Variants in DMXL1 observed in about 807,000 individuals in gnomAD.
The protein encoded by DMXL1 is dmX-like protein 1.
Under a neutral mutation model 319.2 loss-of-function variants are expected in DMXL1, and 99 were observed. That is an observed-to-expected ratio of 0.31 (90% CI 0.26 to 0.37). The LOEUF is 0.37. DMXL1 is among the 10% of genes least tolerant of loss of function. The pLI is 1.00. For synonymous variants in DMXL1, 1,385 were observed against 1,235.2 expected, an observed-to-expected ratio of 1.12 and a Z score of -2.54; for missense variants, 3,745 against 3,595.6, an observed-to-expected ratio of 1.04 and a Z score of -1.06.
chr5:119,195,717 T>C (rs1324995129), intron 30 of DMXL1, among the ~76,000 whole-genome samples: 2 of 152,084 alleles, frequency 1.3e-5, no homozygotes, highest in East Asian at 1.9e-4. Flanking sequence ...ATGGCCAAAA[T>C]GGTAAATTTT....
chr5:119,221,775 C>A (rs143766915), intron 37 of DMXL1, among the ~76,000 whole-genome samples: 1 of 129,728 alleles, frequency 7.7e-6, no homozygotes, highest in Admixed American at 8.6e-5. Flanking sequence ...AATGCCAGGA[C>A]AAATATTCTT....
At chr5:119,074,552 G>A (rs1454025789) in intron 1 of DMXL1, among the ~76,000 whole-genome samples, 1 of 152,170 alleles carries the variant, frequency 6.6e-6, no homozygotes, top group Non-Finnish European at 1.5e-5. Flanking sequence ...GAAACTGAAT[G>A]CCACTTCTCC....
intron 25 of DMXL1, among the ~76,000 whole-genome samples, chr5:119,173,063 G>T (rs1475801178): frequency 1.3e-5 from 2 of 152,168 alleles, no homozygotes; most frequent in Non-Finnish European, 2.9e-5. Context: ...CCTGAGGCCA[G>T]TGTGGTGGTT....
At chr5:119,203,905 C>G (rs1244292014) in intron 33 of DMXL1, among the ~76,000 whole-genome samples, 2 of 152,156 alleles carry the variant, frequency 1.3e-5, no homozygotes, top group African/African-American at 2.4e-5. Context: ...ACTGCAAGCT[C>G]CGCACCTCCC....
chr5:119,181,528 A>G (rs1009628653), intron 28 of DMXL1, among the ~76,000 whole-genome samples: 2 of 152,260 alleles, frequency 1.3e-5, no homozygotes, highest in Non-Finnish European at 2.9e-5. Flanking sequence ...CTAATTTGAA[A>G]AGGAGCAGGA....
At chr5:119,181,434 C>T (rs1217359262) in intron 28 of DMXL1, among the ~76,000 whole-genome samples, 2 of 151,724 alleles carry the variant, frequency 1.3e-5, no homozygotes, top group African/African-American at 4.8e-5. Flanking sequence ...ATGAATGGTA[C>T]GATTTGTCCA....
At chr5:119,202,618 G>A (rs1395985701) in intron 32 of DMXL1, among the ~76,000 whole-genome samples, 9 of 151,832 alleles carry the variant, frequency 5.9e-5, no homozygotes, top group African/African-American at 1.5e-4. Context: ...TTGGAAGGCC[G>A]AAGTGGGTGG....
intron 9 of DMXL1, among the ~76,000 whole-genome samples, chr5:119,124,563 CTTTT>C (rs34589863): frequency 5.9e-4 from 61 of 102,952 alleles, no homozygotes; most frequent in African/African-American, 2.0e-3. Flanking sequence ...ATGGTGATGA[CTTTT>C]TTTTTTTTTT....
chr5:119,216,784 T>A, intron 34 of DMXL1, 117 bp from the exon 35 acceptor site: 2 of 654,060 alleles, frequency 3.1e-6, no homozygotes, highest in South Asian at 3.8e-5. Context: ...ACCTTTAGAA[T>A]TGAAATATCT....
At chr5:119,203,148 C>G (rs1043812559) in intron 32 of DMXL1, among the ~76,000 whole-genome samples, 171 bp from the exon 33 acceptor site, 2 of 151,878 alleles carry the variant, frequency 1.3e-5, no homozygotes, top group Non-Finnish European at 2.9e-5. Context: ...GAATTATGTA[C>G]TAATCCTTTA....
Position 119,197,947 on chromosome 5 carries a change from C to T in DMXL1, c.7736C>T (p.Thr2579Ile). The T allele has an allele frequency of 6.2e-7, 1 of 1,614,060 alleles. No homozygotes were observed. Among genetic ancestry groups the T allele is most frequent in the Non-Finnish European group, 8.5e-7 (1 of 1,179,960 alleles). ...RHKALLEPTN[T>I]PFKSKHHLAL... ...AAAGCTTTACTGGAACCTACAAACA[C>T]TCCTTTCAAGTAGGTTTTCTTATGA... Residue 2579 changes from threonine to isoleucine, a missense_variant, in exon 32 of 44, where the codon ACT becomes ATT. By Grantham distance (89) the Thr-to-Ile change is moderately conservative (BLOSUM62 -1). Coordinates refer to ENST00000539542, the MANE Select transcript of DMXL1 (RefSeq NM_001290321.3).
intron 8 of DMXL1, 117 bp from the exon 9 acceptor site, chr5:119,120,854 A>C (rs979160039): frequency 1.2e-6 from 1 of 812,214 alleles, no homozygotes; most frequent in Non-Finnish European, 1.8e-6. Context: ...GTTTTTACAT[A>C]TAAAACATGT....
chr5:119,242,496 AT>A (rs1428599454), intron 42 of DMXL1, among the ~76,000 whole-genome samples: 10 of 152,248 alleles, frequency 6.6e-5, no homozygotes, highest in African/African-American at 2.2e-4. Context: ...GATACTCCAC[AT>A]TCACAGATTA....
In DMXL1 at chr5:119,151,823, A is replaced by T. The variant is rs879062525; in HGVS notation, c.4595-106A>T. On this transcript the variant is annotated intron_variant, in intron 18 of 43. Coordinates refer to ENST00000539542, the MANE Select transcript of DMXL1 (RefSeq NM_001290321.3). ...AAATGTTAGAAAATATTTTACACTG[A>T]TAACTTTTTTCTTGGTCAGGTTAAG... The T allele has an allele frequency of 2.7e-4, 158 of 577,630 alleles. 3 individuals carry two copies. The South Asian group carries it at 4.1e-3, about 15-fold the overall frequency. 35.8% of individuals were successfully genotyped at this position (577,630 alleles called of 1,614,324 possible). A position where few individuals can be genotyped will look rare whatever the true frequency, so the allele number is the denominator to read the frequency against.
At chr5:119,122,093 C>A (rs1235392434) in intron 9 of DMXL1, among the ~76,000 whole-genome samples, 2 of 139,098 alleles carry the variant, frequency 1.4e-5, no homozygotes, top group Non-Finnish European at 3.1e-5. Context: ...GGGGGCTGAC[C>A]CCCCCACCTC....
intron 38 of DMXL1, among the ~76,000 whole-genome samples, chr5:119,232,734 G>C (rs1435335894): frequency 2.0e-5 from 3 of 151,610 alleles, no homozygotes; most frequent in South Asian, 4.1e-4. Flanking sequence ...CAGCCTCTTA[G>C]AGGCTGAAGT....
chr5:119,222,671 C>G (rs1784843351), intron 37 of DMXL1, among the ~76,000 whole-genome samples: 1 of 152,144 alleles, frequency 6.6e-6, no homozygotes, highest in Non-Finnish European at 1.5e-5. Flanking sequence ...CAGGTTGTCA[C>G]TCGCTTTCTA....
chr5:119,172,035 A>C, intron 25 of DMXL1, 66 bp downstream of exon 25: 1 of 1,406,044 alleles, frequency 7.1e-7, no homozygotes, highest in East Asian at 2.4e-5. Flanking sequence ...GATAAATATT[A>C]AGGCTTTTTT....
chr5:119,245,760 G>A (rs1348738199), intron 43 of DMXL1, among the ~76,000 whole-genome samples: 4 of 151,826 alleles, frequency 2.6e-5, no homozygotes, highest in Non-Finnish European at 4.4e-5. Context: ...GGATGGTCTC[G>A]ATCTCCTGAC....
Sources: gnomAD v4.1 joint callset for allele counts (sites outside exome capture counted in the v4.1 genomes callset) on GRCh38, gnomAD v4.1.1 for gene constraint, MANE v1.5 for transcripts, NCBI Gene and HGNC (gene_info 2026-07-23, HGNC 2026-07-21) for gene names.